RABL3: variants seen among roughly 807,000 people sequenced by gnomAD.
The protein encoded by RABL3 is RAB, member of RAS oncogene family like 3.
In RABL3, 31 loss-of-function variants were observed where a neutral mutation model predicts 31.8. That is an observed-to-expected ratio of 0.97 (90% CI 0.73 to 1.31). RABL3 has a LOEUF of 1.31. Among genes scored for constraint, RABL3 ranks in the 40% most tolerant of loss-of-function variants. RABL3 has a pLI of 0.00. For missense variants in RABL3, 263 were observed against 279.6 expected, an observed-to-expected ratio of 0.94 and a Z score of 0.42; for synonymous variants, 97 against 99.9, an observed-to-expected ratio of 0.97 and a Z score of 0.18.
At chr3:120,736,554 T>C (rs1201435355) in intron 1 of RABL3, among the ~76,000 whole-genome samples, 3 of 152,232 alleles carry the variant, frequency 2.0e-5, no homozygotes, top group Admixed American at 2.0e-4. Flanking sequence ...TATTGTTATG[T>C]GTGAATTTGA....
chr3:120,690,500 A>G lies in RABL3; in HGVS notation c.607-13T>C. On this transcript the variant is annotated splice_polypyrimidine_tract_variant and intron_variant, in intron 6 of 7. Transcript: ENST00000273375. ...TCTTCTCTATGACCTGTGAAAAACA[A>G]AGATTTTAAAGGCTTAGCACACATA... The G allele has an allele frequency of 6.2e-7, 1 of 1,600,404 alleles. No individual in the cohort carries two copies. Among genetic ancestry groups the G allele is most frequent in the Non-Finnish European group, 8.6e-7 (1 of 1,168,092 alleles).
At chr3:120,714,500 TTA>T (rs1169207137) in intron 2 of RABL3, among the ~76,000 whole-genome samples, 2 of 152,226 alleles carry the variant, frequency 1.3e-5, no homozygotes, top group African/African-American at 2.4e-5. Flanking sequence ...TCAGTCAAGC[TTA>T]TTTTTTTCTA....
chr3:120,711,007 T>C (rs1708607148), intron 2 of RABL3, among the ~76,000 whole-genome samples: 1 of 152,124 alleles, frequency 6.6e-6, no homozygotes, highest in Admixed American at 6.6e-5. Context: ...CAATGGTCAA[T>C]TAACAGTTTT....
chr3:120,706,948 T>A (rs1235330655), intron 3 of RABL3, among the ~76,000 whole-genome samples: 1 of 152,144 alleles, frequency 6.6e-6, no homozygotes. Context: ...GGGAATTAAT[T>A]ATTACAGCAA....
At chr3:120,722,251 A>AC (rs1438504203) in intron 2 of RABL3, 3 of 152,184 alleles carry the variant, frequency 2.0e-5, no homozygotes, top group Admixed American at 6.6e-5. Context: ...CCACTAACTT[A>AC]GAGTGGTTAT....
chr3:120,730,676 A>G lies in RABL3; in HGVS notation c.138+20T>C. ...ATCTTTAGTACATTATTGAAAAACT[A>G]AAATATAAAAGACACATACTCTGAC... On this transcript the variant is annotated intron_variant, in intron 2 of 7. Coordinates refer to ENST00000273375, the MANE Select transcript of RABL3 (RefSeq NM_173825.5). 6.4e-7 allele frequency: 1 copy of G among 1,555,102 alleles called. No individual in the cohort carries two copies. Among genetic ancestry groups the G allele is most frequent in the South Asian group, 1.1e-5 (1 of 88,824 alleles).
chr3:120,689,977 A>C (rs1481615891), intron 7 of RABL3, 89 bp from the exon 8 acceptor site: 2 of 1,015,496 alleles, frequency 2.0e-6, no homozygotes, highest in Non-Finnish European at 3.0e-6. Flanking sequence ...CCATTTCTGT[A>C]TGTCAGCCTG....
At chr3:120,704,656 A>G (rs547427711) in intron 4 of RABL3, among the ~76,000 whole-genome samples, 2 of 152,360 alleles carry the variant, frequency 1.3e-5, no homozygotes, top group African/African-American at 2.4e-5. Flanking sequence ...TAAGGATTGT[A>G]CTAAAAAACT....
chr3:120,722,574 A>G (rs982107172), intron 2 of RABL3: 2 of 152,156 alleles, frequency 1.3e-5, no homozygotes, highest in African/African-American at 4.8e-5. Flanking sequence ...TCCTAGTTCT[A>G]TGTGTCCTCT....
chr3:120,734,980 A>C (rs908210047), intron 1 of RABL3, among the ~76,000 whole-genome samples: 25 of 152,314 alleles, frequency 1.6e-4, no homozygotes, highest in African/African-American at 2.4e-4. Context: ...ATTGATGTTC[A>C]TCAGGGATAT....
At position 120,699,214 on chromosome 3, in the gene RABL3, A is replaced by C. The variant is rs145285419; in HGVS notation, c.384-641T>G. On this transcript the variant is annotated intron_variant, in intron 4 of 7. Coordinates refer to ENST00000273375, the MANE Select transcript of RABL3 (RefSeq NM_173825.5). The stretch of plus-strand genomic sequence containing the variant: ...GGATTAAACACATGGAAATGGAAGG[A>C]AACAGCTGAAATGCAAAATGAATAG... Among the ~76,000 whole-genome samples the C allele has an allele frequency of 5.3e-5, 8 of 152,338 alleles. No individual in the cohort carries two copies. The East Asian group carries it at 1.4e-3, about 26-fold the overall frequency.
chr3:120,742,155 CTTT>C (rs55966768), intron 1 of RABL3, among the ~76,000 whole-genome samples: 7 of 132,788 alleles, frequency 5.3e-5, no homozygotes, highest in African/African-American at 8.3e-5. Flanking sequence ...TCAATGCCTG[CTTT>C]TTTTTTTTTT....
intron 4 of RABL3, among the ~76,000 whole-genome samples, chr3:120,701,482 C>G (rs987390477): frequency 6.6e-6 from 1 of 152,092 alleles, no homozygotes; most frequent in Admixed American, 6.5e-5. Context: ...GACAAAAATG[C>G]AGATTTCTTT....
At chr3:120,732,189 G>A (rs1331209464) in intron 1 of RABL3, among the ~76,000 whole-genome samples, 1 of 152,190 alleles carries the variant, frequency 6.6e-6, no homozygotes, top group African/African-American at 2.4e-5. Flanking sequence ...AACAACATAA[G>A]CGTCTGCTTC....
rs555852391 is a variant in RABL3 at position 120,706,071 on chromosome 3, T to G, written c.312A>C (p.Gln104His). ...CTTCCAATGACCAACGACGCAAGTT[T>G]TGGGAGGACTTCTTATTTGTTAAGT... ...VHDLTNKKSSQNLRRWSLEAL... is the reference protein window; with the variant it reads ...VHDLTNKKSSHNLRRWSLEAL... The change falls in exon 4 of 8, where the codon CAA (glutamine) becomes CAC (histidine). Residue 104 changes from glutamine (Q) to histidine (H), a missense_variant. By Grantham distance (24) the Gln-to-His change is conservative. Coordinates refer to ENST00000273375, the MANE Select transcript of RABL3 (RefSeq NM_173825.5). The G allele has an allele frequency of 6.2e-7, 1 of 1,613,860 alleles. No individual in the cohort carries two copies. The highest frequency in any genetic ancestry group is 1.1e-5 in the South Asian group (1 of 91,078).
chr3:120,720,538 G>T (rs533025184), intron 2 of RABL3, among the ~76,000 whole-genome samples: 1 of 152,338 alleles, frequency 6.6e-6, no homozygotes, highest in South Asian at 2.1e-4. Flanking sequence ...CGTGACGAAT[G>T]CACAAGCCTC....
intron 2 of RABL3, among the ~76,000 whole-genome samples, chr3:120,721,220 A>C (rs1295180629): frequency 1.3e-5 from 2 of 152,232 alleles, no homozygotes; most frequent in African/African-American, 4.8e-5. Context: ...GGTACCAGCC[A>C]CTGCAAAAAC....
chr3:120,733,952 A>C (rs1708921170), intron 1 of RABL3, among the ~76,000 whole-genome samples: 2 of 152,188 alleles, frequency 1.3e-5, no homozygotes, highest in Admixed American at 6.5e-5. Context: ...TGGTTACTAC[A>C]GCCTTGTAGT....
chr3:120,721,575 C>A lies in RABL3; in HGVS notation c.138+9121G>T, dbSNP rs542749357. 8.0e-4 allele frequency among the ~76,000 whole-genome samples: 121 copies of A among 151,990 alleles called. 1 individual carries two copies. The highest frequency in any genetic ancestry group is 2.8e-3 in the African/African-American group (117 of 41,510). On this transcript the variant is annotated intron_variant, in intron 2 of 7. Coordinates refer to ENST00000273375, the MANE Select transcript of RABL3 (RefSeq NM_173825.5). ...TTAAACCAACAAAGATCAAAAGAGA[C>A]AAAGAAGGCCATTACATAATGGTAA...
Sources: allele counts gnomAD v4.1 joint callset (sites outside exome capture counted in the v4.1 genomes callset), GRCh38; gene constraint gnomAD v4.1.1; transcripts MANE v1.5; gene names NCBI Gene and HGNC (gene_info 2026-07-23, HGNC 2026-07-21).